The following DYSF variants were observed in gnomAD, a reference collection of about 807,000 sequenced individuals.
DYSF encodes dystrophy-associated fer-1-like 1.
In DYSF, 212 loss-of-function variants were observed where a neutral mutation model predicts 274.9. That is an observed-to-expected ratio of 0.77 (90% CI 0.69 to 0.86). The LOEUF (loss-of-function observed/expected upper bound fraction) is 0.86, where lower values mean the gene tolerates loss of function less well. Ranked by LOEUF, DYSF falls within the 40% of genes least tolerant of loss-of-function variation. The probability of loss-of-function intolerance (pLI) is 0.00; values close to 1 mark genes in which losing one functional copy is unlikely to be tolerated. For missense variants in DYSF, 2,666 were observed against 2,783.2 expected, an observed-to-expected ratio of 0.96 and a Z score of 0.95; for synonymous variants, 1,091 against 1,078.7, an observed-to-expected ratio of 1.01 and a Z score of -0.22.
At chr2:71,547,057 G>T (rs2090533290) in intron 17 of DYSF, among the ~76,000 whole-genome samples, 1 of 152,242 alleles carries the variant, frequency 6.6e-6, no homozygotes. Context: ...GGCTTCCACA[G>T]CCCCAGCTTC....
chr2:71,546,983 C>A (rs745853729), intron 17 of DYSF, among the ~76,000 whole-genome samples: 1 of 152,212 alleles, frequency 6.6e-6, no homozygotes, highest in Non-Finnish European at 1.5e-5. Context: ...TCAGCTTCCC[C>A]CAGGTGAGGC....
At chr2:71,668,677 A>T in intron 48 of DYSF, 77 bp from the exon 49 acceptor site, 3 of 1,401,528 alleles carry the variant, frequency 2.1e-6, no homozygotes, top group Non-Finnish European at 3.0e-6. Flanking sequence ...TGCCCTCAGC[A>T]TCTGGCCCAG....
chr2:71,658,551 A>T (rs1427643373), intron 43 of DYSF, among the ~76,000 whole-genome samples: 3 of 152,216 alleles, frequency 2.0e-5, no homozygotes, highest in Non-Finnish European at 4.4e-5. Context: ...GTTTAATTGA[A>T]CTTACAGTTC....
chr2:71,686,324 C>A, intron 55 of DYSF, 130 bp from the exon 56 acceptor site: 2 of 1,140,288 alleles, frequency 1.8e-6, no homozygotes, highest in Non-Finnish European at 2.7e-6. Context: ...GAGCCACGAG[C>A]GTCCTCTCCC....
At chr2:71,527,780 T>C (rs1354732673) in intron 13 of DYSF, among the ~76,000 whole-genome samples, 1 of 152,148 alleles carries the variant, frequency 6.6e-6, no homozygotes, top group African/African-American at 2.4e-5. Flanking sequence ...TATCTATCTA[T>C]CTGTATCTAC....
intron 41 of DYSF, among the ~76,000 whole-genome samples, chr2:71,638,683 A>C (rs1260605763): frequency 6.6e-6 from 1 of 152,230 alleles, no homozygotes; most frequent in Admixed American, 6.5e-5. Flanking sequence ...TTATTACCAA[A>C]TAATGTGCCA....
Position 71,617,597 on chromosome 2 carries a change from AGGT to A in DYSF, c.4465-2945_4465-2943del, listed in dbSNP as rs1228832269. Among the ~76,000 whole-genome samples, 49 of 146,460 alleles carry A rather than the reference AGGT, an allele frequency of 3.3e-4. 1 individual carries two copies. The highest frequency in any genetic ancestry group is 2.7e-3 in the Admixed American group (40 of 14,862). ...GAGGTGGTGTGTGTGTGTGTGGTAG[AGGT>A]GGTGTGTGTGTATGTGGGGTAGAGG... On this transcript the variant is annotated intron_variant, in intron 40 of 55. Coordinates refer to ENST00000410020, the MANE Select transcript of DYSF (RefSeq NM_001130987.2).
At chr2:71,593,173 C>T (rs2093319128) in intron 32 of DYSF, among the ~76,000 whole-genome samples, 2 of 126,618 alleles carry the variant, frequency 1.6e-5, no homozygotes, top group East Asian at 4.9e-4. Flanking sequence ...GCTCTTGTTG[C>T]CTAGGCTGGA....
intron 17 of DYSF, among the ~76,000 whole-genome samples, chr2:71,550,610 C>T (rs1027077103): frequency 7.9e-5 from 12 of 152,028 alleles, no homozygotes; most frequent in Non-Finnish European, 1.5e-4. Flanking sequence ...CCTATAGAAG[C>T]GTAGGATGGA....
At chr2:71,548,837 G>A (rs1214791085) in intron 17 of DYSF, among the ~76,000 whole-genome samples, 1 of 152,158 alleles carries the variant, frequency 6.6e-6, no homozygotes, top group Non-Finnish European at 1.5e-5. Context: ...AGGTGGAGAT[G>A]TTGTGCCTTG....
chr2:71,647,785 C>G (rs959462179), intron 42 of DYSF, among the ~76,000 whole-genome samples: 1 of 152,182 alleles, frequency 6.6e-6, no homozygotes, highest in African/African-American at 2.4e-5. Flanking sequence ...GGTTTATTAT[C>G]TATTCTCTTT....
chr2:71,595,540 TG>T (rs1301480748), intron 32 of DYSF, among the ~76,000 whole-genome samples: 1 of 152,152 alleles, frequency 6.6e-6, no homozygotes, highest in Non-Finnish European at 1.5e-5. Flanking sequence ...TAGTGTATTG[TG>T]AACGCAGAAG....
At chr2:71,601,406 G>A (rs767121967) in intron 34 of DYSF, 93 bp from the exon 35 acceptor site, 4 of 1,525,598 alleles carry the variant, frequency 2.6e-6, no homozygotes, top group South Asian at 1.1e-5. Flanking sequence ...ACCATGGACT[G>A]TCTGATCACT....
At chr2:71,635,770 GAAAAAAGAA>G (rs368055124) in intron 41 of DYSF, among the ~76,000 whole-genome samples, 3,216 of 126,312 alleles carry the variant, frequency 0.025, 121 homozygotes, top group African/African-American at 0.073. Flanking sequence ...AAAAAAGAAA[GAAAAAAGAA>G]AAAGAAAAAA....
At chr2:71,465,761 A>T, upstream of DYSF, among the ~76,000 whole-genome samples, 1 of 152,162 alleles carries the variant, frequency 6.6e-6, no homozygotes. Flanking sequence ...GACAGGGGCT[A>T]GGTGCTGGAG....
chr2:71,618,113 G>T (rs1459481125), intron 40 of DYSF, among the ~76,000 whole-genome samples: 1 of 120,194 alleles, frequency 8.3e-6, no homozygotes, highest in African/African-American at 3.3e-5. Flanking sequence ...GTAGAGGTGG[G>T]GTGTGTGTGT....
At chr2:71,491,760 T>C (rs898275736) in intron 3 of DYSF, among the ~76,000 whole-genome samples, 1 of 152,258 alleles carries the variant, frequency 6.6e-6, no homozygotes, top group Non-Finnish European at 1.5e-5. Context: ...TTTTCATGGC[T>C]GCATAGTATT....
rs575018861 is a variant in DYSF, at chr2:71,466,967, G to C, written c.91+34G>C. 9.0e-5 allele frequency: 139 copies of C among 1,544,204 alleles called. 2 individuals carry two copies. In the East Asian group the frequency reaches 3.3e-3, roughly 37 times the overall value. On this transcript the variant is annotated intron_variant, in intron 1 of 55. Coordinates refer to ENST00000410020, the MANE Select transcript of DYSF (RefSeq NM_001130987.2). Reference sequence around the variant, plus strand: ...CCCGTGGCTGCCGCGCCCATGCTCGGGTGCTACCCGACTCTCGGCGCTCAC... The same window carrying C: ...CCCGTGGCTGCCGCGCCCATGCTCGCGTGCTACCCGACTCTCGGCGCTCAC...
At chr2:71,678,093 A>G (rs928823789) in intron 52 of DYSF, among the ~76,000 whole-genome samples, 3 of 152,368 alleles carry the variant, frequency 2.0e-5, no homozygotes, top group Non-Finnish European at 4.4e-5. Context: ...TCTTTGGGAT[A>G]GGACCCAAAT....
Sources: allele counts gnomAD v4.1 joint callset (sites outside exome capture counted in the v4.1 genomes callset), GRCh38; gene constraint gnomAD v4.1.1; transcripts MANE v1.5; gene names NCBI Gene and HGNC (gene_info 2026-07-23, HGNC 2026-07-21).